The following COL4A5 variants were observed in gnomAD, a reference collection of about 807,000 sequenced individuals.
COL4A5 encodes collagen alpha-5(IV) chain.
A neutral mutation model predicts 130.2 loss-of-function variants in COL4A5; 26 were observed. The ratio of observed to expected loss-of-function variants is 0.20; its 90% confidence interval spans 0.15 to 0.28. The LOEUF is 0.28. Ranked by LOEUF, COL4A5 falls within the 10% of genes least tolerant of loss-of-function variation. The probability of loss-of-function intolerance (pLI) is 1.00; values close to 1 mark genes in which losing one functional copy is unlikely to be tolerated. For synonymous variants in COL4A5, 496 were observed against 439.6 expected, an observed-to-expected ratio of 1.13 and a Z score of -1.60; for missense variants, 1,131 against 1,344.3, an observed-to-expected ratio of 0.84 and a Z score of 2.48.
At chrX:108,669,574 T>C (rs1603311319) in intron 41 of COL4A5, among the ~76,000 whole-genome samples, 2 of 112,140 alleles carry the variant, frequency 1.8e-5, no homozygotes, top group East Asian at 5.6e-4. Context: ...AGTGAAAATC[T>C]CCTCAGCCAT....
At chrX:108,551,465 T>G (rs2065751246) in intron 2 of COL4A5, among the ~76,000 whole-genome samples, 1 of 111,839 alleles carries the variant, frequency 8.9e-6, no homozygotes, top group South Asian at 3.7e-4. Flanking sequence ...TACCATTGTC[T>G]CCGTTAAAAT....
At chrX:108,442,948 G>T (rs922063220) in intron 1 of COL4A5, 1 of 111,813 alleles carries the variant, frequency 8.9e-6, no homozygotes, top group Non-Finnish European at 1.9e-5. Flanking sequence ...AGTCATGTAG[G>T]CAGTAACTTG....
chrX:108,692,416 A>G (rs1011257166), intron 49 of COL4A5, among the ~76,000 whole-genome samples: 1 of 111,373 alleles, frequency 9.0e-6, no homozygotes, highest in African/African-American at 3.3e-5. Context: ...AGATATCGTA[A>G]GGACTCAGTA....
intron 47 of COL4A5, among the ~76,000 whole-genome samples, chrX:108,683,506 T>C (rs890842760): frequency 1.3e-4 from 15 of 111,825 alleles, no homozygotes; most frequent in African/African-American, 4.6e-4. Context: ...TTTCATGATA[T>C]TGATTCTTCC....
intron 2 of COL4A5, among the ~76,000 whole-genome samples, chrX:108,551,748 G>T (rs920748844): frequency 8.9e-6 from 1 of 111,761 alleles, no homozygotes; most frequent in African/African-American, 3.3e-5. Context: ...TTCTACTGAA[G>T]AGACACGTGC....
At chrX:108,651,325 C>T (rs73636561) in intron 36 of COL4A5, among the ~76,000 whole-genome samples, 11,574 of 111,278 alleles carry the variant, frequency 0.1, 1,288 homozygotes, top group African/African-American at 0.34. Flanking sequence ...ATGAATTGTA[C>T]GGTATATAAA....
intron 1 of COL4A5, among the ~76,000 whole-genome samples, chrX:108,502,260 T>C: frequency 1.1e-5 from 1 of 88,406 alleles, no homozygotes; most frequent in Non-Finnish European, 2.0e-5. Flanking sequence ...AAGGTAATAG[T>C]TTTGTTTTGT....
At chrX:108,617,972 C>G (rs1444552392) in intron 30 of COL4A5, among the ~76,000 whole-genome samples, 1 of 111,884 alleles carries the variant, frequency 8.9e-6, no homozygotes, top group East Asian at 2.8e-4. Context: ...CAGGAGGCTA[C>G]AAAACCCTTG....
intron 2 of COL4A5, among the ~76,000 whole-genome samples, chrX:108,556,970 G>A (rs1400162638): frequency 9.0e-6 from 1 of 111,271 alleles, no homozygotes; most frequent in Non-Finnish European, 1.9e-5. Flanking sequence ...ATCATTTATA[G>A]GTATATGGTT....
At chrX:108,493,893 A>G (rs1275285949) in intron 1 of COL4A5, among the ~76,000 whole-genome samples, 2 of 110,294 alleles carry the variant, frequency 1.8e-5, no homozygotes, top group African/African-American at 3.3e-5. Context: ...ATGGTTCTGT[A>G]TATCTTATTT....
intron 1 of COL4A5, among the ~76,000 whole-genome samples, chrX:108,494,275 A>G (rs2065016405): frequency 9.0e-6 from 1 of 110,914 alleles, no homozygotes; most frequent in Non-Finnish European, 1.9e-5. Context: ...AAAAAGCACC[A>G]CTCTGACACA....
intron 4 of COL4A5, among the ~76,000 whole-genome samples, chrX:108,566,299 T>TTTTTGAAG (rs2065968599): frequency 9.0e-6 from 1 of 110,517 alleles, no homozygotes; most frequent in Non-Finnish European, 1.9e-5. Flanking sequence ...TTTAGTCATT[T>TTTTTGAAG]TTTTGAAGGC....
At chrX:108,476,109 T>C (rs776717179) in intron 1 of COL4A5, among the ~76,000 whole-genome samples, 32 of 111,743 alleles carry the variant, frequency 2.9e-4, no homozygotes, top group Admixed American at 7.6e-4. Flanking sequence ...TTTACCAGAT[T>C]GAAGAAGCTA....
chrX:108,653,544 ATTAT>A (rs2067775552), intron 36 of COL4A5, among the ~76,000 whole-genome samples: 1 of 111,195 alleles, frequency 9.0e-6, no homozygotes, highest in African/African-American at 3.3e-5. Flanking sequence ...AAAAACATAA[ATTAT>A]TTATTTCTGG....
At position 108,481,046 on chromosome X, in the gene COL4A5, A is replaced by T. The variant is rs2064884831; in HGVS notation, c.81+40840A>T. Among the ~76,000 whole-genome samples, 4 of 111,659 alleles carry T rather than the reference A, an allele frequency of 3.6e-5. No individual in the cohort carries two copies. The Admixed American group carries it at 3.8e-4, about 11-fold the overall frequency. ...GCTGCCAAGTATGTCTATGCCAATT[A>T]TGCATTCCAGAACTGGGGAAATGAC... On this transcript the variant is annotated intron_variant, in intron 1 of 52. Transcript: ENST00000328300.
intron 18 of COL4A5, among the ~76,000 whole-genome samples, chrX:108,585,093 G>T (rs920048466): frequency 8.9e-6 from 1 of 111,952 alleles, no homozygotes; most frequent in African/African-American, 3.2e-5. Flanking sequence ...TGTCATGTTT[G>T]TGTTCACTAT....
chrX:108,486,944 G>GT (rs1405530873), intron 1 of COL4A5, among the ~76,000 whole-genome samples: 1 of 112,169 alleles, frequency 8.9e-6, no homozygotes, highest in East Asian at 2.8e-4. Context: ...TTGTTTGTTT[G>GT]TTTTTTGTAT....
In COL4A5 at chrX:108,606,879, C is replaced by T; in HGVS notation, c.2382C>T (p.Leu794=). The change falls in exon 29 of 53, where the codon CTC becomes CTT. Residue 794 remains leucine (L), a synonymous_variant. Coordinates refer to ENST00000328300, the MANE Select transcript of COL4A5 (RefSeq NM_033380.3). The part of the protein sequence containing the change: ...GPPGRTGLDG[L]PGPKGDVGPN... ...CAGGACGCACTGGCTTAGATGGGCT[C>T]CCTGGACCAAAAGGTATGGAGGCTG... 1.7e-6 allele frequency: 2 copies of T among 1,211,155 alleles called. No individual in the cohort carries two copies. The highest frequency in any genetic ancestry group is 1.1e-6 in the Non-Finnish European group (1 of 895,151).
chrX:108,578,507 A>G, intron 13 of COL4A5, 124 bp downstream of exon 13: 1 of 536,293 alleles, frequency 1.9e-6, no homozygotes, highest in East Asian at 3.4e-5. Flanking sequence ...CCTTAGATAT[A>G]TACAGTTTTT....
Sources: gnomAD v4.1 joint callset for allele counts (sites outside exome capture counted in the v4.1 genomes callset) on GRCh38, gnomAD v4.1.1 for gene constraint, MANE v1.5 for transcripts, NCBI Gene and HGNC (gene_info 2026-07-23, HGNC 2026-07-21) for gene names.